The following TLE6 variants were observed in gnomAD, a reference collection of about 807,000 sequenced individuals.
The protein encoded by TLE6 is transducin-like enhancer protein 6.
In TLE6, 72 loss-of-function variants were observed where a neutral mutation model predicts 77.1. That is an observed-to-expected ratio of 0.93 (90% CI 0.77 to 1.14). The LOEUF (loss-of-function observed/expected upper bound fraction) is 1.14. Ranked by LOEUF, TLE6 falls within the 50% of genes most tolerant of loss-of-function variation. The pLI is 0.00. For missense variants in TLE6, 843 were observed against 747.6 expected (o/e 1.13, Z -1.49); for synonymous variants, 366 against 287.3 (o/e 1.27, Z -2.77).
At position 2,995,056 on chromosome 19, in the gene TLE6, T is replaced by TCA; in HGVS notation, c.*53_*54insAC. The stretch of plus-strand genomic sequence containing the variant: ...CGGCTCCTCTTTTCATCCCCCCCCT[T>TCA]CCCCCCCCCCAACAAGGGGGACATG... On this transcript the variant is annotated 3_prime_UTR_variant, in exon 17 of 17. Transcript: ENST00000246112. 2 of 827,280 alleles carry TCA rather than the reference T, an allele frequency of 2.4e-6. No homozygotes were observed. Among genetic ancestry groups the TCA allele is most frequent in the East Asian group, 2.9e-5 (1 of 34,168 alleles). The allele number at this position is 827,280 out of a possible 1,614,324, so 51.2% of individuals were successfully genotyped here. A position where few individuals can be genotyped will look rare whatever the true frequency, so the allele number is the denominator to read the frequency against.
intron 5 of TLE6, among the ~76,000 whole-genome samples, chr19:2,985,171 A>C (rs2088881076): frequency 6.6e-6 from 1 of 151,734 alleles, no homozygotes. Context: ...AATTGCTTTA[A>C]CCCAGGAGGC....
At position 2,989,746 on chromosome 19, in the gene TLE6, T is replaced by G. The variant is rs2089002289; in HGVS notation, c.1205T>G (p.Val402Gly). Reference sequence around the variant, plus strand: ...GCCTTCGCCAGCTTCACCAGTGGTGTGGTCAGGATCTGGGACCTGCGGGAT... The same window carrying G: ...GCCTTCGCCAGCTTCACCAGTGGTGGGGTCAGGATCTGGGACCTGCGGGAT... ...NLAFASFTSG[V>G]VRIWDLRDQS... Residue 402 changes from valine to glycine, a missense_variant, in exon 13 of 17, where the codon GTG (valine) becomes GGG (glycine). Physicochemically the swap from Val to Gly is moderately radical, Grantham distance 109. Transcript: ENST00000246112. 6.2e-7 allele frequency: 1 copy of G among 1,614,018 alleles called. No individual in the cohort carries two copies. The highest frequency in any genetic ancestry group is 8.5e-7 in the Non-Finnish European group (1 of 1,180,032).
rs778881312 is a variant in TLE6 at position 2,993,525 on chromosome 19, C to T, written c.1480C>T (p.Arg494Trp). 8 of 1,591,228 alleles carry T rather than the reference C, an allele frequency of 5.0e-6. No homozygotes were observed. Among genetic ancestry groups the T allele is most frequent in the Admixed American group, 3.4e-5 (2 of 58,786 alleles). Residue 494 changes from arginine to tryptophan, a missense_variant, in exon 15 of 17, where the codon CGG becomes TGG. Arg to Trp is a moderately radical substitution (Grantham distance 101, BLOSUM62 -3). Transcript: ENST00000246112. ...GCTGCAAAGCACCAGCGGGAGCCAG[C>T]GGCACATGGTGGGGCAAAAAGACAG... ...QWLQSTSGSQ[R>W]HMVGQKDSVI...
intron 13 of TLE6, 125 bp from the exon 14 acceptor site, chr19:2,991,716 CTG>C (rs2145063546): frequency 9.4e-6 from 8 of 848,710 alleles, no homozygotes; most frequent in South Asian, 8.9e-5. Context: ...CTTTGACACT[CTG>C]TGCAGGCAGA....
At position 2,987,282 on chromosome 19, in the gene TLE6, G is replaced by T. The variant is rs140473661; in HGVS notation, c.541+44G>T. 2.0e-5 allele frequency: 32 copies of T among 1,614,178 alleles called. No individual in the cohort carries two copies. In the East Asian group the frequency reaches 6.7e-4, roughly 34 times the overall value. Reference sequence around the variant, plus strand: ...GAGGGGGAAGGGGCAGCCACAGGCTGCGTCTCAGGGGCTGTGCAGTGAACC... The same window carrying T: ...GAGGGGGAAGGGGCAGCCACAGGCTTCGTCTCAGGGGCTGTGCAGTGAACC... On this transcript the variant is annotated intron_variant, in intron 7 of 16. Transcript: ENST00000246112.
chr19:2,985,137 C>G (rs904340113), intron 5 of TLE6, among the ~76,000 whole-genome samples: 2 of 151,850 alleles, frequency 1.3e-5, no homozygotes, highest in Admixed American at 1.3e-4. Flanking sequence ...GTAATCCCAG[C>G]TACTTGGGAG....
intron 5 of TLE6, 96 bp from the exon 6 acceptor site, chr19:2,986,733 T>C: frequency 8.1e-7 from 1 of 1,239,480 alleles, no homozygotes; most frequent in East Asian, 2.6e-5. Context: ...AGTAGATTGA[T>C]ATACCTTCTT....
At chr19:2,991,807 T>TGAC in intron 13 of TLE6, 36 bp from the exon 14 acceptor site, 1 of 1,610,962 alleles carries the variant, frequency 6.2e-7, no homozygotes, top group South Asian at 1.1e-5. Context: ...CCTCAGAGTC[T>TGAC]TGACCTGATT....
rs1027625977 is a variant in TLE6, at chr19:2,992,049, G to A, written c.1386+65G>A. On this transcript the variant is annotated intron_variant, in intron 14 of 16. Transcript: ENST00000246112. ...TCTGGTCCTCAGATTAAAAAATGAG[G>A]TTGAGGCCGGGCTCCGTGGCTCACG... is the stretch of plus-strand genomic sequence containing the variant. 9.5e-6 allele frequency: 15 copies of A among 1,584,898 alleles called. No homozygotes were observed. The East Asian group carries it at 3.2e-4, about 33-fold the overall frequency.
chr19:2,983,140 G>A (rs1420060466), intron 5 of TLE6, among the ~76,000 whole-genome samples: 1 of 152,238 alleles, frequency 6.6e-6, no homozygotes, highest in Non-Finnish European at 1.5e-5. Context: ...GCAGGGCCTG[G>A]GAGGAGGGGG....
At chr19:2,994,239 G>A (rs940156744) in intron 16 of TLE6, 144 bp downstream of exon 16, 4 of 664,280 alleles carry the variant, frequency 6.0e-6, no homozygotes, top group Non-Finnish European at 1.0e-5. Flanking sequence ...ATTTTGGGAG[G>A]CTGAGGCAGG....
In TLE6 at chr19:2,991,982, C is replaced by T. The variant is rs2089078377; in HGVS notation, c.1384C>T (p.Gln462Ter). The T allele has an allele frequency of 6.2e-7, 1 of 1,613,450 alleles. No homozygotes were observed. The highest frequency in any genetic ancestry group is 8.5e-7 in the Non-Finnish European group (1 of 1,179,814). The change falls in exon 14 of 17, where the codon CAG becomes TAG. Residue 462 changes from glutamine (Q) to a stop codon, truncating the protein, a stop_gained and splice_region_variant. Coordinates refer to ENST00000246112, the MANE Select transcript of TLE6 (RefSeq NM_001143986.2). LOFTEE classifies it high-confidence loss of function. The stretch of plus-strand genomic sequence containing the variant: ...ACCTCTGGAGTACCAATTCAAGTCT[C>T]AGGTGCGGAGGCCGGGATGGGGTCT... The part of the protein sequence containing the change: ...MKPLEYQFKS[Q>*]IMSLSHSPQE...
Position 2,989,799 on chromosome 19 carries a change from G to A in TLE6, c.1244+14G>A, listed in dbSNP as rs760318064. The A allele has an allele frequency of 1.9e-6, 3 of 1,607,836 alleles. No homozygotes were observed. The highest frequency in any genetic ancestry group is 2.2e-5 in the East Asian group (1 of 44,848). On this transcript the variant is annotated intron_variant, in intron 13 of 16. Coordinates refer to ENST00000246112, the MANE Select transcript of TLE6 (RefSeq NM_001143986.2). ...GAGTGTGGTCAGGTGCGTTTGGGGG[G>A]TGGGAAGGGGAAGCATCCTGTGCCA...
chr19:2,988,198 T>C, intron 11 of TLE6, 70 bp downstream of exon 11: 4 of 1,463,926 alleles, frequency 2.7e-6, no homozygotes, highest in Non-Finnish European at 3.7e-6. Context: ...TCTATACCTC[T>C]GTTCCCGACA....
In TLE6 at chr19:2,989,548, TC is replaced by T; in HGVS notation, c.1009del (p.Leu337CysfsTer23). ...SHLPIQTPGA[F>X]LRTCLLSSNS... is the part of the protein sequence containing the mutation. ...TGCCCATCCCAGACCCCTGGGGCCTTCCTGCGCACCTGCCTGCTGTCCTCAA... is the reference window on the plus strand; with the variant it reads ...TGCCCATCCCAGACCCCTGGGGCCTTCTGCGCACCTGCCTGCTGTCCTCAA... On this transcript the variant is annotated frameshift_variant, in exon 13 of 17. Coordinates refer to ENST00000246112, the MANE Select transcript of TLE6 (RefSeq NM_001143986.2). LOFTEE classifies it high-confidence loss of function. 1 of 1,612,346 alleles carries T rather than the reference TC, an allele frequency of 6.2e-7. No homozygotes were observed. The highest frequency in any genetic ancestry group is 1.1e-5 in the South Asian group (1 of 90,982).
chr19:2,980,902 C>T (rs1302011163), intron 3 of TLE6, among the ~76,000 whole-genome samples: 1 of 151,526 alleles, frequency 6.6e-6, no homozygotes, highest in Non-Finnish European at 1.5e-5. Flanking sequence ...TAAAAAAAAT[C>T]TAGCTGAGTG....
At chr19:2,981,335 G>A (rs1218813281) in intron 3 of TLE6, among the ~76,000 whole-genome samples, 3 of 145,312 alleles carry the variant, frequency 2.1e-5, no homozygotes, top group African/African-American at 7.8e-5. Flanking sequence ...TGACAAGAGT[G>A]AGACTCTGTC....
intron 5 of TLE6, among the ~76,000 whole-genome samples, chr19:2,982,708 C>G (rs182656251): frequency 2.6e-5 from 4 of 151,986 alleles, no homozygotes; most frequent in Non-Finnish European, 4.4e-5. Flanking sequence ...TGGAAGCCCC[C>G]GTGATATTAG....
chr19:2,987,084 C>A lies in TLE6; in HGVS notation c.387C>A (p.Ser129=), dbSNP rs148938913. The change falls in exon 7 of 17, where the codon TCC becomes TCA. Residue 129 remains serine, a synonymous_variant. Coordinates refer to ENST00000246112, the MANE Select transcript of TLE6 (RefSeq NM_001143986.2). The part of the protein sequence containing the change: ...SFEDIMATRS[S]DWLRRPLGED... Reference sequence around the variant, plus strand: ...AGGACATCATGGCCACCAGGTCCTCCGACTGGCTCCGGCGGCCTTTGGGGG... The same window carrying A: ...AGGACATCATGGCCACCAGGTCCTCAGACTGGCTCCGGCGGCCTTTGGGGG... 1 of 1,614,136 alleles carries A rather than the reference C, an allele frequency of 6.2e-7. No individual in the cohort carries two copies.
Sources: gnomAD v4.1 joint callset for allele counts (sites outside exome capture counted in the v4.1 genomes callset) on GRCh38, gnomAD v4.1.1 for gene constraint, MANE v1.5 for transcripts, NCBI Gene and HGNC (gene_info 2026-07-23, HGNC 2026-07-21) for gene names.